The following TM9SF2 variants were observed in gnomAD, a reference collection of about 807,000 sequenced individuals.
TM9SF2 encodes transmembrane 9 superfamily member 2, also known as 76 kDa membrane protein.
In TM9SF2, 13 loss-of-function variants were observed where a neutral mutation model predicts 84.9. That is an observed-to-expected ratio of 0.15 (90% CI 0.10 to 0.24). The LOEUF (loss-of-function observed/expected upper bound fraction) is 0.24, where lower values mean the gene tolerates loss of function less well. Ranked by LOEUF, TM9SF2 falls within the 10% of genes least tolerant of loss-of-function variation. The pLI is 1.00. For synonymous variants in TM9SF2, 273 were observed against 285.8 expected (o/e 0.96, Z 0.45); for missense variants, 562 against 818.5 (o/e 0.69, Z 3.82).
rs1336477603 is a variant in TM9SF2 at position 99,539,465 on chromosome 13, G to A, written c.736G>A (p.Asp246Asn). ...CCACAGCTTCAAACATACCCATATA[G>A]ATAAACCAGACTGCTCAGGGCCCCC... The part of the protein sequence containing the change: ...EPKSFKHTHI[D>N]KPDCSGPPMD... Residue 246 changes from aspartate (D) to asparagine (N), a missense_variant, in exon 7 of 17, where the codon GAT becomes AAT. Around this residue, in one of 4 missense-constraint regions of TM9SF2, gnomAD observed 267 missense variants for 316.7 expected, o/e 0.84. Transcript: ENST00000376387. 3 of 1,612,868 alleles carry A rather than the reference G, an allele frequency of 1.9e-6. No individual in the cohort carries two copies. The highest frequency in any genetic ancestry group is 1.3e-5 in the African/African-American group (1 of 74,858).
At chr13:99,512,523 A>G (rs1412729888) in intron 1 of TM9SF2, among the ~76,000 whole-genome samples, 1 of 152,228 alleles carries the variant, frequency 6.6e-6, no homozygotes, top group African/African-American at 2.4e-5. Context: ...TAACATGTAG[A>G]TAAGAAAATG....
At chr13:99,532,014 A>G (rs3928270) in intron 4 of TM9SF2, among the ~76,000 whole-genome samples, 131,656 of 151,960 alleles carry the variant, frequency 0.87, 57,360 homozygotes, top group East Asian at 0.92. Flanking sequence ...TTTGTTGACT[A>G]ACTGAAAGAA....
At chr13:99,538,909 CA>C (rs201144798) in intron 6 of TM9SF2, among the ~76,000 whole-genome samples, 1 of 150,032 alleles carries the variant, frequency 6.7e-6, no homozygotes, top group Non-Finnish European at 1.5e-5. Flanking sequence ...AAAAACAAAA[CA>C]AAAAACAAAA....
chr13:99,551,054 A>G (rs1376632777), intron 12 of TM9SF2, among the ~76,000 whole-genome samples: 3 of 152,264 alleles, frequency 2.0e-5, no homozygotes, highest in African/African-American at 7.2e-5. Flanking sequence ...CTAGGTATCA[A>G]CTAATATTCC....
At chr13:99,544,971 G>A (rs2046276812) in intron 10 of TM9SF2, among the ~76,000 whole-genome samples, 3 of 151,964 alleles carry the variant, frequency 2.0e-5, no homozygotes, top group Middle Eastern at 6.8e-3. Flanking sequence ...CTGTCTTCCA[G>A]TTTCCTTAAT....
chr13:99,501,755 A>T lies in TM9SF2; in HGVS notation c.149A>T (p.Glu50Val), dbSNP rs777785926. Residue 50 changes from glutamate to valine, a missense_variant, in exon 1 of 17, where the codon GAA becomes GTA. Transcript: ENST00000376387. ...GCGCCCGTCAACTTCTGCGACGAAG[A>T]AAAAAAGAGCGACGAGTGCAAGGTG... ...GLAPVNFCDE[E>V]KKSDECKAEI... is the part of the protein sequence containing the mutation. 3 of 1,610,636 alleles carry T rather than the reference A, an allele frequency of 1.9e-6. No homozygotes were observed. In the East Asian group the frequency reaches 6.7e-5, roughly 36 times the overall value.
At chr13:99,551,986 C>G (rs1171559699) in intron 12 of TM9SF2, among the ~76,000 whole-genome samples, 181 bp from the exon 13 acceptor site, 2 of 152,126 alleles carry the variant, frequency 1.3e-5, no homozygotes, top group Non-Finnish European at 2.9e-5. Flanking sequence ...TCAGGCAAAC[C>G]CAATCTGAAG....
chr13:99,518,763 A>T (rs2046145827), intron 2 of TM9SF2, among the ~76,000 whole-genome samples: 1 of 128,636 alleles, frequency 7.8e-6, no homozygotes, highest in African/African-American at 2.9e-5. Context: ...TGCCCAGCTA[A>T]TTTTTTTTTT....
Position 99,542,659 on chromosome 13 carries a change from G to A in TM9SF2, c.1017+992G>A, listed in dbSNP as rs761568717. On this transcript the variant is annotated intron_variant, in intron 9 of 16. Coordinates refer to ENST00000376387, the MANE Select transcript of TM9SF2 (RefSeq NM_004800.3). Reference sequence around the variant, plus strand: ...GGAAAATATATATGAATATTCATAAGCTTTTAACGTTTGTACTCTATAGTC... The same window carrying A: ...GGAAAATATATATGAATATTCATAAACTTTTAACGTTTGTACTCTATAGTC... Among the ~76,000 whole-genome samples the A allele has an allele frequency of 4.9e-4, 74 of 151,972 alleles. 1 individual carries two copies. The highest frequency in any genetic ancestry group is 3.9e-4 in the African/African-American group (16 of 41,340).
chr13:99,556,779 G>T (rs1376307652), intron 15 of TM9SF2, among the ~76,000 whole-genome samples: 1 of 151,830 alleles, frequency 6.6e-6, no homozygotes, highest in African/African-American at 2.4e-5. Context: ...GTAGAGACGG[G>T]GTTTCACCAT....
intron 4 of TM9SF2, among the ~76,000 whole-genome samples, chr13:99,534,478 C>CA (rs918293930): frequency 6.6e-6 from 1 of 150,542 alleles, no homozygotes; most frequent in African/African-American, 2.4e-5. Context: ...CTTGCAACTG[C>CA]AAAAAAAAGA....
At chr13:99,510,827 G>T (rs562371228) in intron 1 of TM9SF2, among the ~76,000 whole-genome samples, 1 of 152,292 alleles carries the variant, frequency 6.6e-6, no homozygotes, top group East Asian at 1.9e-4. Flanking sequence ...TAAATTCTTT[G>T]AAGGCAAGTG....
intron 16 of TM9SF2, among the ~76,000 whole-genome samples, chr13:99,560,998 T>C (rs762695445): frequency 3.9e-5 from 6 of 152,228 alleles, no homozygotes; most frequent in Non-Finnish European, 7.3e-5. Context: ...TTTTTTAAAG[T>C]GTTATATTTT....
chr13:99,550,851 A>G (rs1262367534), intron 12 of TM9SF2, among the ~76,000 whole-genome samples: 1 of 152,248 alleles, frequency 6.6e-6, no homozygotes, highest in Non-Finnish European at 1.5e-5. Flanking sequence ...CATCACTGAT[A>G]ATAAAACACT....
At chr13:99,514,549 C>T (rs2046126097) in intron 1 of TM9SF2, among the ~76,000 whole-genome samples, 1 of 152,148 alleles carries the variant, frequency 6.6e-6, no homozygotes, top group African/African-American at 2.4e-5. Context: ...CTGTGATAGT[C>T]CCACAACAAA....
chr13:99,516,683 C>G (rs1328656697), intron 1 of TM9SF2, among the ~76,000 whole-genome samples: 1 of 152,112 alleles, frequency 6.6e-6, no homozygotes, highest in African/African-American at 2.4e-5. Context: ...CTCCCTCTAC[C>G]CTGTTGTTGA....
intron 1 of TM9SF2, among the ~76,000 whole-genome samples, chr13:99,508,436 CACACACA>C (rs1566562073): frequency 6.6e-6 from 1 of 151,430 alleles, no homozygotes; most frequent in African/African-American, 2.4e-5. Context: ...CACACACACA[CACACACA>C]CCCCAGAGAT....
chr13:99,560,132 C>T (rs992619175), intron 16 of TM9SF2, among the ~76,000 whole-genome samples: 13 of 152,134 alleles, frequency 8.5e-5, no homozygotes, highest in African/African-American at 1.7e-4. Context: ...AAACATTTGT[C>T]GCGTGAGTGA....
rs2046241115 is a variant in TM9SF2, at chr13:99,537,856, C to T, written c.709C>T (p.Pro237Ser). The T allele has an allele frequency of 6.2e-7, 1 of 1,601,038 alleles. No individual in the cohort carries two copies. Among genetic ancestry groups the T allele is most frequent in the Non-Finnish European group, 8.5e-7 (1 of 1,177,064 alleles). Residue 237 changes from proline (P) to serine (S), a missense_variant, in exon 6 of 17, where the codon CCG (proline) becomes TCG (serine). Coordinates refer to ENST00000376387, the MANE Select transcript of TM9SF2 (RefSeq NM_004800.3). ...AAGATTAGTGGCTGCTAAACTTGAACCGAAAAGGTAATTATATTAATGATA... is the reference window on the plus strand; with the variant it reads ...AAGATTAGTGGCTGCTAAACTTGAATCGAAAAGGTAATTATATTAATGATA... Reference protein sequence around the residue: ...GARLVAAKLEPKSFKHTHIDK... With the variant: ...GARLVAAKLESKSFKHTHIDK...
Sources: gnomAD v4.1 joint callset for allele counts (sites outside exome capture counted in the v4.1 genomes callset) on GRCh38, gnomAD v4.1.1 for gene constraint, gnomAD v4.1.1 regional missense constraint, MANE v1.5 for transcripts, NCBI Gene and HGNC (gene_info 2026-07-23, HGNC 2026-07-21) for gene names.